FNDC1: variants seen among roughly 807,000 people sequenced by gnomAD.
FNDC1 encodes the protein fibronectin type III domain containing 1.
A neutral mutation model predicts 168.0 loss-of-function variants in FNDC1; 96 were observed. The observed-to-expected ratio is 0.57, with a 90% CI of 0.48 to 0.68. FNDC1 has a LOEUF of 0.68. Among genes scored for constraint, FNDC1 ranks in the 30% least tolerant of loss-of-function variants. The pLI, the probability that FNDC1 is intolerant of heterozygous loss-of-function variation, is 0.00. For synonymous variants in FNDC1, 1,099 were observed against 1,025.9 expected, an observed-to-expected ratio of 1.07 and a Z score of -1.36; for missense variants, 2,587 against 2,482.1, an observed-to-expected ratio of 1.04 and a Z score of -0.90.
Position 159,219,649 on chromosome 6 carries a change from A to G in FNDC1, c.668-1949A>G, listed in dbSNP as rs900165503. Reference sequence around the variant, plus strand: ...ACAGGGGAGAGCTGTCATTGTGTTTACTGCAGAATAAAACTTTTTCTTAAT... The same window carrying G: ...ACAGGGGAGAGCTGTCATTGTGTTTGCTGCAGAATAAAACTTTTTCTTAAT... On this transcript the variant is annotated intron_variant, in intron 5 of 22. Transcript: ENST00000297267. 3.9e-5 allele frequency among the ~76,000 whole-genome samples: 6 copies of G among 152,172 alleles called. 1 individual carries two copies. The highest frequency in any genetic ancestry group is 1.4e-4 in the African/African-American group (6 of 41,456).
chr6:159,226,592 A>G lies in FNDC1; in HGVS notation c.1180+12A>G, dbSNP rs765359112. On this transcript the variant is annotated intron_variant, in intron 9 of 22. Coordinates refer to ENST00000297267, the MANE Select transcript of FNDC1 (RefSeq NM_032532.3). ...GGGGAAAGTGAAAGGTAGGAATCTCACTCCCTAAACTGTAAGATGCATTGA... is the reference window on the plus strand; with the variant it reads ...GGGGAAAGTGAAAGGTAGGAATCTCGCTCCCTAAACTGTAAGATGCATTGA... 8.9e-6 allele frequency: 14 copies of G among 1,564,316 alleles called. No homozygotes were observed. In the East Asian group the frequency reaches 2.3e-4, roughly 26 times the overall value.
chr6:159,183,353 C>G (rs574347318), intron 1 of FNDC1, among the ~76,000 whole-genome samples: 2 of 152,292 alleles, frequency 1.3e-5, no homozygotes, highest in African/African-American at 4.8e-5. Context: ...ATCTCTCCTG[C>G]TTCCATGATG....
chr6:159,190,119 C>T (rs396364), intron 1 of FNDC1, among the ~76,000 whole-genome samples: 38,837 of 152,086 alleles, frequency 0.26, 5,744 homozygotes, highest in East Asian at 0.62. Context: ...TCCAGGGCAT[C>T]GCCTGAAGGT....
At chr6:159,175,711 C>T (rs2114916756) in intron 1 of FNDC1, among the ~76,000 whole-genome samples, 1 of 152,274 alleles carries the variant, frequency 6.6e-6, no homozygotes, top group South Asian at 2.1e-4. Context: ...CCTTGGTGGT[C>T]CTGTTAAGCT....
In FNDC1 at chr6:159,232,810, C is replaced by T. The variant is rs766385311; in HGVS notation, c.2298C>T (p.Ser766=). 20 of 1,613,894 alleles carry T rather than the reference C, an allele frequency of 1.2e-5. No homozygotes were observed. Among genetic ancestry groups the T allele is most frequent in the Admixed American group, 1.0e-4 (6 of 60,010 alleles). ...CATCACGGTCCACCATGTCCTCCTCCGTCTCTTCTCATCTCTCGTCCAGGA... is the reference window on the plus strand; with the variant it reads ...CATCACGGTCCACCATGTCCTCCTCTGTCTCTTCTCATCTCTCGTCCAGGA... ...NAPSRSTMSS[S]VSSHLSSRTQ... is the part of the protein sequence containing the mutation. Residue 766 remains serine (S), a synonymous_variant, in exon 11 of 23, where the codon TCC becomes TCT. Coordinates refer to ENST00000297267, the MANE Select transcript of FNDC1 (RefSeq NM_032532.3). This position sits in a 1 kb window ranked among gnomAD's most constrained non-coding sequence, Gnocchi z 4.9.
In FNDC1 at chr6:159,232,158, G is replaced by T; in HGVS notation, c.1646G>T (p.Arg549Leu). The T allele has an allele frequency of 1.2e-6, 2 of 1,613,848 alleles. No homozygotes were observed. Among genetic ancestry groups the T allele is most frequent in the Non-Finnish European group, 1.7e-6 (2 of 1,179,866 alleles). ...ACTGGGGAGGAGGAGCTGGGTTCCC[G>T]GGAGGACTCGCCCATGTCACCCTCA... Reference protein sequence around the residue: ...EITGEEELGSREDSPMSPSDT... With the variant: ...EITGEEELGSLEDSPMSPSDT... The change falls in exon 11 of 23, where the codon CGG (arginine) becomes CTG (leucine). Residue 549 changes from arginine to leucine, a missense_variant. Physicochemically the swap from Arg to Leu is moderately radical, Grantham distance 102 (BLOSUM62 -2). Transcript: ENST00000297267. The surrounding 1 kb of genome is among the most constrained non-coding windows in gnomAD (Gnocchi z 4.9).
rs368248471 is a variant in FNDC1, at chr6:159,251,309, C to G, written c.4842C>G (p.Tyr1614Ter). Reference sequence around the variant, plus strand: ...ATCTCTGTTCTTTTCCAGCTCCTTACGTGACGTACCTAAATAAAGACCCAT... The same window carrying G: ...ATCTCTGTTCTTTTCCAGCTCCTTAGGTGACGTACCTAAATAAAGACCCAT... ...LAGRKRFVAP[Y>*]VTYLNKDPSA... Residue 1614 changes from tyrosine (Y) to a stop codon, truncating the protein, a stop_gained, in exon 17 of 23, where the codon TAC (tyrosine) becomes TAG (stop). Transcript: ENST00000297267. LOFTEE classifies it high-confidence loss of function. The G allele has an allele frequency of 2.5e-6, 4 of 1,612,918 alleles. No homozygotes were observed. Among genetic ancestry groups the G allele is most frequent in the African/African-American group, 1.3e-5 (1 of 74,920 alleles).
intron 14 of FNDC1, among the ~76,000 whole-genome samples, chr6:159,243,742 T>C (rs934087692): frequency 1.3e-5 from 2 of 152,226 alleles, no homozygotes; most frequent in Non-Finnish European, 2.9e-5. Context: ...TTTTTTTTAA[T>C]TGTAAATATA....
At chr6:159,208,176 A>T (rs1237379494) in intron 4 of FNDC1, among the ~76,000 whole-genome samples, 1 of 152,078 alleles carries the variant, frequency 6.6e-6, no homozygotes, top group Non-Finnish European at 1.5e-5. Flanking sequence ...GTTGGTGGGG[A>T]TTGGGCTGGG....
At chr6:159,217,290 A>G (rs994017679) in intron 5 of FNDC1, among the ~76,000 whole-genome samples, 2 of 152,140 alleles carry the variant, frequency 1.3e-5, no homozygotes, top group Admixed American at 1.3e-4. Flanking sequence ...GCGGAAACAG[A>G]GCACTTGCTT....
chr6:159,243,903 A>C (rs1009215700), intron 14 of FNDC1, among the ~76,000 whole-genome samples: 1 of 152,198 alleles, frequency 6.6e-6, no homozygotes, highest in African/African-American at 2.4e-5. Context: ...ACTGTCACTC[A>C]TCTCAGGAAG....
intron 5 of FNDC1, among the ~76,000 whole-genome samples, chr6:159,219,882 TTTTGTTTG>T (rs757365038): frequency 1.3e-5 from 2 of 152,080 alleles, no homozygotes; most frequent in Non-Finnish European, 2.9e-5. Flanking sequence ...GAATGGCCAT[TTTTGTTTG>T]TTTGTTTGTT....
chr6:159,239,242 C>A (rs1203507759), intron 13 of FNDC1, among the ~76,000 whole-genome samples: 3 of 152,116 alleles, frequency 2.0e-5, no homozygotes, highest in Non-Finnish European at 2.9e-5. Flanking sequence ...CGCTTCCTGG[C>A]CCTTTACAGA....
chr6:159,212,343 T>C (rs1473609109), intron 4 of FNDC1, among the ~76,000 whole-genome samples: 1 of 152,234 alleles, frequency 6.6e-6, no homozygotes, highest in Non-Finnish European at 1.5e-5. Context: ...TTCAGAAGGC[T>C]TTGGTGAGGC....
At chr6:159,270,512 C>T (rs576593418) in intron 22 of FNDC1, among the ~76,000 whole-genome samples, 1 of 152,254 alleles carries the variant, frequency 6.6e-6, no homozygotes, top group African/African-American at 2.4e-5. Flanking sequence ...TGACTGTGGT[C>T]ATGGGACTGG....
intron 1 of FNDC1, among the ~76,000 whole-genome samples, chr6:159,179,638 C>T (rs929505521): frequency 1.1e-4 from 16 of 152,160 alleles, no homozygotes; most frequent in African/African-American, 2.4e-4. Context: ...CATCAACACC[C>T]GGCATTTCAT....
chr6:159,225,601 C>T lies in FNDC1; in HGVS notation c.951C>T (p.Asn317=). The change falls in exon 8 of 23, where the codon AAC becomes AAT. Residue 317 remains asparagine (N), a synonymous_variant. Coordinates refer to ENST00000297267, the MANE Select transcript of FNDC1 (RefSeq NM_032532.3). ...LARWDYKQIA[N]RRVLIENLIP... ...GGTGGGATTATAAGCAGATCGCTAA[C>T]AGGCGTGTGCTGATTGAGAACCTGA... 6.2e-7 allele frequency: 1 copy of T among 1,613,912 alleles called. No individual in the cohort carries two copies. Among genetic ancestry groups the T allele is most frequent in the Non-Finnish European group, 8.5e-7 (1 of 1,179,858 alleles).
intron 12 of FNDC1, 84 bp from the exon 13 acceptor site, chr6:159,238,470 T>G: frequency 1.2e-6 from 1 of 820,910 alleles, no homozygotes; most frequent in Non-Finnish European, 1.9e-6. Context: ...TGTGGAAGCT[T>G]CAGGGGTATA....
At chr6:159,229,330 A>G (rs1354797464) in intron 9 of FNDC1, among the ~76,000 whole-genome samples, 2 of 152,232 alleles carry the variant, frequency 1.3e-5, no homozygotes, top group Admixed American at 6.5e-5. Context: ...TTATATTTCA[A>G]ATATGGAATT....
Sources: gnomAD v4.1 joint callset for allele counts (sites outside exome capture counted in the v4.1 genomes callset) on GRCh38, gnomAD v4.1.1 for gene constraint, Gnocchi (gnomAD v3.1) non-coding constraint, MANE v1.5 for transcripts, NCBI Gene and HGNC (gene_info 2026-07-23, HGNC 2026-07-21) for gene names.